The following STON2 variants were observed in gnomAD, a reference collection of about 807,000 sequenced individuals.
The protein encoded by STON2 is stonin 2, also known as stonin-2.
A neutral mutation model predicts 65.7 loss-of-function variants in STON2; 29 were observed. That is an observed-to-expected ratio of 0.44 (90% CI 0.33 to 0.60). The LOEUF (loss-of-function observed/expected upper bound fraction) is 0.60. Among genes scored for constraint, STON2 ranks in the 20% least tolerant of loss-of-function variants. The pLI is 0.03. For synonymous variants in STON2, 404 were observed against 414.2 expected (o/e 0.98, Z 0.30); for missense variants, 1,054 against 1,118.1 (o/e 0.94, Z 0.82).
chr14:81,365,149 G>C (rs943731757), intron 4 of STON2, among the ~76,000 whole-genome samples: 1 of 152,072 alleles, frequency 6.6e-6, no homozygotes, highest in Non-Finnish European at 1.5e-5. Context: ...CATGCTTTTT[G>C]CAAGTGGTTG....
At chr14:81,270,246 C>T (rs1003414310) in intron 7 of STON2, 8 of 462,830 alleles carry the variant, frequency 1.7e-5, no homozygotes, top group East Asian at 1.5e-4. Context: ...CCACCATGCC[C>T]GGCTAATTTT....
chr14:81,284,454 C>T (rs147396412), intron 5 of STON2, among the ~76,000 whole-genome samples: 1 of 152,294 alleles, frequency 6.6e-6, no homozygotes, highest in African/African-American at 2.4e-5. Context: ...AAGGCCCTAC[C>T]TCTCATCAAT....
intron 4 of STON2, among the ~76,000 whole-genome samples, chr14:81,345,538 G>A (rs1425708839): frequency 6.6e-6 from 1 of 152,166 alleles, no homozygotes; most frequent in Non-Finnish European, 1.5e-5. Context: ...GAGGTAGAAG[G>A]ATGGCTGGGG....
At position 81,413,475 on chromosome 14, in the gene STON2, T is replaced by C. The variant is rs1320324089; in HGVS notation, c.-199+13627A>G. ...ATTCCATACTTCTGCCTCACGTTGT[T>C]TTCTCTCAAAATCCATTCCTTTAAA... On this transcript the variant is annotated intron_variant, in intron 2 of 8. Transcript: ENST00000553821. Among the ~76,000 whole-genome samples the C allele has an allele frequency of 7.8e-5, 11 of 140,318 alleles. 3 individuals are homozygous for C. In the East Asian group the frequency reaches 2.8e-3, roughly 35 times the overall value. The allele number at this position is 140,318 out of a possible 152,430, so 92.1% of individuals were successfully genotyped here.
intron 4 of STON2, among the ~76,000 whole-genome samples, chr14:81,336,209 C>T (rs188447745): frequency 7.0e-4 from 107 of 152,254 alleles, no homozygotes; most frequent in African/African-American, 2.6e-3. Context: ...ATTATACCTG[C>T]CATCTATGTA....
At chr14:81,387,954 T>TC (rs1899898380) in intron 3 of STON2, among the ~76,000 whole-genome samples, 1 of 136,432 alleles carries the variant, frequency 7.3e-6, no homozygotes. Flanking sequence ...CTTTTCTTTT[T>TC]TTTTTTTTTT....
intron 5 of STON2, among the ~76,000 whole-genome samples, chr14:81,310,958 T>G (rs889039991): frequency 2.0e-5 from 3 of 152,156 alleles, no homozygotes; most frequent in Non-Finnish European, 2.9e-5. Context: ...ACTATGTCTC[T>G]GTCTTCTATG....
chr14:81,413,078 A>C lies in STON2; in HGVS notation c.-199+14024T>G. The C allele has an allele frequency of 3.8e-6, 4 of 1,055,122 alleles. 1 individual carries two copies. In the South Asian group the frequency reaches 5.5e-5, roughly 14 times the overall value. The allele number at this position is 1,055,122 out of a possible 1,614,324, so 65.4% of individuals were successfully genotyped here. On this transcript the variant is annotated intron_variant, in intron 2 of 8. Transcript: ENST00000553821. ...GCTGGAGAAATACAACAAAGAGAGG[A>C]ACACTGTGGCTCATATCAAGAAGGA...
At position 81,365,305 on chromosome 14, in the gene STON2, T is replaced by C. The variant is rs373630638; in HGVS notation, c.571+5683A>G. Among the ~76,000 whole-genome samples the C allele has an allele frequency of 2.0e-5, 3 of 152,290 alleles. No individual in the cohort carries two copies. The South Asian group carries it at 6.2e-4, about 32-fold the overall frequency. The stretch of plus-strand genomic sequence containing the variant: ...ATCCCCACTAGAGTTGACAGGGGTT[T>C]GGCAGACCACCACCTGCAATCTCAA... On this transcript the variant is annotated intron_variant, in intron 4 of 7. Transcript: ENST00000614646.
intron 5 of STON2, among the ~76,000 whole-genome samples, chr14:81,304,471 C>T (rs528701346): frequency 6.6e-6 from 1 of 152,230 alleles, no homozygotes; most frequent in South Asian, 2.1e-4. Context: ...GCTTGTAATC[C>T]TAGCACTTTG....
chr14:81,291,883 A>G (rs1895571526), intron 5 of STON2, among the ~76,000 whole-genome samples: 1 of 151,550 alleles, frequency 6.6e-6, no homozygotes. Flanking sequence ...ACACACACAC[A>G]CACACACACA....
chr14:81,345,724 G>A (rs910283197), intron 4 of STON2, among the ~76,000 whole-genome samples: 4 of 152,006 alleles, frequency 2.6e-5, no homozygotes, highest in African/African-American at 9.7e-5. Flanking sequence ...TCATGCTGCT[G>A]CACTCTAGCC....
chr14:81,396,856 C>T lies in STON2; in HGVS notation c.89-678G>A, dbSNP rs553158278. Among the ~76,000 whole-genome samples the T allele has an allele frequency of 2.6e-5, 4 of 152,208 alleles. No homozygotes were observed. The South Asian group carries it at 8.3e-4, about 32-fold the overall frequency. On this transcript the variant is annotated intron_variant, in intron 2 of 7. Transcript: ENST00000614646. ...AGTGGATCACCTGAGGTCAGCGGTTCGAGACCAGCCTGACCAACATGGCAA... is the reference window on the plus strand; with the variant it reads ...AGTGGATCACCTGAGGTCAGCGGTTTGAGACCAGCCTGACCAACATGGCAA...
In STON2 at chr14:81,267,311, A is replaced by C; in HGVS notation, c.*1103T>G. Reference sequence around the variant, plus strand: ...AAAAATATGGCTTTTCCACGTCTCTACCCTAGAGATGCCTTTTCAATCCAA... The same window carrying C: ...AAAAATATGGCTTTTCCACGTCTCTCCCCTAGAGATGCCTTTTCAATCCAA... On this transcript the variant is annotated 3_prime_UTR_variant, in exon 8 of 8. Coordinates refer to ENST00000614646, the MANE Select transcript of STON2 (RefSeq NM_001394390.1). 1 of 985,378 alleles carries C rather than the reference A, an allele frequency of 1.0e-6. No individual in the cohort carries two copies. The highest frequency in any genetic ancestry group is 1.7e-5 in the African/African-American group (1 of 57,338). 61.0% of individuals were successfully genotyped at this position (985,378 alleles called of 1,614,324 possible).
intron 2 of STON2, among the ~76,000 whole-genome samples, chr14:81,417,825 G>C (rs1384160608): frequency 6.6e-6 from 1 of 152,246 alleles, no homozygotes; most frequent in East Asian, 1.9e-4. Context: ...TAAGGGAGTG[G>C]GGCTGGGACG....
chr14:81,409,643 G>A (rs1901055041), intron 2 of STON2, among the ~76,000 whole-genome samples: 1 of 152,138 alleles, frequency 6.6e-6, no homozygotes, highest in Admixed American at 6.5e-5. Context: ...AACTGGCTCA[G>A]AGAGGTTCTG....
chr14:81,304,056 C>T (rs1896074487), intron 5 of STON2, among the ~76,000 whole-genome samples: 1 of 152,200 alleles, frequency 6.6e-6, no homozygotes, highest in African/African-American at 2.4e-5. Context: ...ACTCCTTCCA[C>T]CAAATTCCTC....
intron 4 of STON2, among the ~76,000 whole-genome samples, chr14:81,341,144 T>C (rs935135146): frequency 6.6e-6 from 1 of 152,270 alleles, no homozygotes; most frequent in African/African-American, 2.4e-5. Flanking sequence ...TACAAGATAA[T>C]GATCATAACT....
chr14:81,407,118 T>C (rs1900906659), intron 2 of STON2, among the ~76,000 whole-genome samples: 1 of 152,192 alleles, frequency 6.6e-6, no homozygotes, highest in Non-Finnish European at 1.5e-5. Flanking sequence ...GACCGAAGCC[T>C]GAAAACAGTT....
Sources: gnomAD v4.1 joint callset for allele counts (sites outside exome capture counted in the v4.1 genomes callset) on GRCh38, gnomAD v4.1.1 for gene constraint, MANE v1.5 for transcripts, NCBI Gene and HGNC (gene_info 2026-07-23, HGNC 2026-07-21) for gene names.